Variants in KIF17 observed in about 807,000 individuals in gnomAD.
KIF17 encodes the protein kinesin family member 17, also known as kinesin-like protein KIF17.
KIF17 carries 80 observed loss-of-function variants against 96.8 expected under a neutral mutation model. That is an observed-to-expected ratio of 0.83 (90% CI 0.69 to 1.00). The LOEUF is 1.00. Ranked by LOEUF, KIF17 falls within the 50% of genes least tolerant of loss-of-function variation. KIF17 has a pLI of 0.00. For missense variants in KIF17, 1,280 were observed against 1,372.9 expected (o/e 0.93, Z 1.07); for synonymous variants, 567 against 587.5 (o/e 0.97, Z 0.51).
intron 4 of KIF17, among the ~76,000 whole-genome samples, chr1:20,706,448 G>A (rs769951940): frequency 1.3e-5 from 2 of 151,874 alleles, no homozygotes; most frequent in East Asian, 2.0e-4. Context: ...AAAATTAGCC[G>A]GGCGTGGTGG....
intron 11 of KIF17, among the ~76,000 whole-genome samples, chr1:20,673,192 C>T (rs951323714): frequency 2.6e-5 from 4 of 151,632 alleles, no homozygotes; most frequent in East Asian, 1.9e-4. Flanking sequence ...CCAGCCTGGG[C>T]GACAGAGTGA....
intron 11 of KIF17, among the ~76,000 whole-genome samples, chr1:20,673,173 C>A (rs1308102254): frequency 1.3e-5 from 2 of 151,944 alleles, no homozygotes; most frequent in African/African-American, 4.8e-5. Context: ...AAGATCACAC[C>A]AGTGCACTCC....
rs617735 is a variant in KIF17 at position 20,698,567 on chromosome 1, C to T, written c.1124-79G>A. ...AACTAAGCAGAAATCTATAAAAAGA[C>T]GACCTCATGGTCATTCAAGAAGACT... On this transcript the variant is annotated intron_variant, in intron 5 of 14. Transcript: ENST00000400463. The T allele has an allele frequency of 3.0e-3, 2,779 of 915,390 alleles. 53 individuals are homozygous for T. In the African/African-American group the frequency reaches 0.038, roughly 13 times the overall value. The allele number at this position is 915,390 out of a possible 1,614,324, so 56.7% of individuals were successfully genotyped here.
At chr1:20,686,847 C>T (rs1370981058) in intron 8 of KIF17, among the ~76,000 whole-genome samples, 7 of 152,184 alleles carry the variant, frequency 4.6e-5, no homozygotes, top group Non-Finnish European at 8.8e-5. Context: ...AGGCGTGAGC[C>T]AATGTGCCTG....
chr1:20,702,123 C>T (rs978077400), intron 5 of KIF17, among the ~76,000 whole-genome samples: 10 of 152,148 alleles, frequency 6.6e-5, no homozygotes, highest in Non-Finnish European at 1.3e-4. Context: ...AGGCAATTTT[C>T]CCAGTTGCCT....
At chr1:20,710,284 T>C (rs1376241792) in intron 3 of KIF17, among the ~76,000 whole-genome samples, 1 of 152,182 alleles carries the variant, frequency 6.6e-6, no homozygotes, top group Non-Finnish European at 1.5e-5. Flanking sequence ...TCGTCACCCA[T>C]GAGCCCTGAG....
In KIF17 at chr1:20,717,862, G is replaced by A. The variant is rs1472198713; in HGVS notation, c.-156C>T. On this transcript the variant is annotated 5_prime_UTR_variant, in exon 1 of 15. Transcript: ENST00000400463. ...GGCGGGGGGCGGGGACCCCTCGGGG[G>A]GCGCCCCGGAGGGGAGCTGGGCGTC... is the stretch of plus-strand genomic sequence containing the variant. The A allele has an allele frequency of 9.5e-6, 4 of 422,152 alleles. No individual in the cohort carries two copies. The African/African-American group carries it at 3.4e-4, about 36-fold the overall frequency. The allele number at this position is 422,152 out of a possible 1,614,324, so 26.2% of individuals were successfully genotyped here.
chr1:20,676,687 C>T (rs1050783563), intron 11 of KIF17, among the ~76,000 whole-genome samples: 2 of 151,960 alleles, frequency 1.3e-5, no homozygotes, highest in Admixed American at 1.3e-4. Context: ...AAAAATTAGC[C>T]AGGCGTGGTG....
chr1:20,710,241 T>A (rs942686502), intron 3 of KIF17, among the ~76,000 whole-genome samples: 2 of 152,198 alleles, frequency 1.3e-5, no homozygotes, highest in African/African-American at 2.4e-5. Context: ...TGGGTTTCCT[T>A]TAGGGAGCTT....
At chr1:20,714,718 A>G (rs549652825) in intron 2 of KIF17, among the ~76,000 whole-genome samples, 93 of 148,524 alleles carry the variant, frequency 6.3e-4, no homozygotes, top group African/African-American at 2.2e-3. Context: ...AATTGCTTGA[A>G]TCTGGGAGGC....
rs114221851 is a variant in KIF17 at position 20,704,474 on chromosome 1, G to A, written c.1096C>T (p.Gln366Ter). The A allele has an allele frequency of 1.0e-4, 163 of 1,614,174 alleles. 1 individual carries two copies. The East Asian group carries it at 3.6e-3, about 35-fold the overall frequency. ...GACAGGCTGCTGGGGCTCATCTGCTGTGTCAGGATGGCCTTGAGCTTCTTG... is the reference window on the plus strand; with the variant it reads ...GACAGGCTGCTGGGGCTCATCTGCTATGTCAGGATGGCCTTGAGCTTCTTG... ...EIKKLKAILT[Q>*]QMSPSSLSAL... Residue 366 changes from glutamine to a stop codon, truncating the protein, a stop_gained, in exon 5 of 15, where the codon CAG becomes TAG. Transcript: ENST00000400463. LOFTEE classifies it high-confidence loss of function. This position sits in a 1 kb window ranked among gnomAD's most constrained non-coding sequence, Gnocchi z 6.8.
intron 14 of KIF17, 138 bp downstream of exon 14, chr1:20,666,076 C>T (rs368704136): frequency 1.3e-6 from 1 of 764,706 alleles, no homozygotes; most frequent in African/African-American, 1.7e-5. Flanking sequence ...TGTTACCCCC[C>T]TCATTTTGTA....
rs370911190 is a variant in KIF17 at position 20,696,275 on chromosome 1, G to A, written c.1233+2104C>T. Among the ~76,000 whole-genome samples, 119 of 152,250 alleles carry A rather than the reference G, an allele frequency of 7.8e-4. 1 individual carries two copies. The highest frequency in any genetic ancestry group is 2.6e-3 in the African/African-American group (106 of 41,554). On this transcript the variant is annotated intron_variant, in intron 6 of 14. Coordinates refer to ENST00000400463, the MANE Select transcript of KIF17 (RefSeq NM_001122819.3). ...GGTTCTGGAATACAAAGGGAAACAC[G>A]GTCCCAGGAGCATAGCAGGTGCTCA...
chr1:20,674,993 A>AG (rs1344538604), intron 11 of KIF17, among the ~76,000 whole-genome samples: 1 of 152,062 alleles, frequency 6.6e-6, no homozygotes, highest in Non-Finnish European at 1.5e-5. Flanking sequence ...CTACTAAAAA[A>AG]TACTAAAATT....
rs1301466595 is a variant in KIF17 at position 20,682,875 on chromosome 1, C to T, written c.2241G>A (p.Leu747=). ...DQQQVLARLQ[L]LEQQVVGGEQ... ...CTCCACCCACAACCTGCTGCTCCAA[C>T]AGCTGCAGACTGCCGGCGTGGAGGA... Residue 747 remains leucine (L), a synonymous_variant, in exon 11 of 15, where the codon CTG becomes CTA. Coordinates refer to ENST00000400463, the MANE Select transcript of KIF17 (RefSeq NM_001122819.3). The T allele has an allele frequency of 6.2e-7, 1 of 1,610,126 alleles. No individual in the cohort carries two copies. The highest frequency in any genetic ancestry group is 1.7e-5 in the Admixed American group (1 of 60,026).
chr1:20,696,608 G>A (rs1209683339), intron 6 of KIF17, among the ~76,000 whole-genome samples: 1 of 152,068 alleles, frequency 6.6e-6, no homozygotes, highest in African/African-American at 2.4e-5. Flanking sequence ...ACCAGGGGGA[G>A]GCAGTGCCCT....
chr1:20,697,663 G>A (rs571747832), intron 6 of KIF17, among the ~76,000 whole-genome samples: 2 of 152,310 alleles, frequency 1.3e-5, no homozygotes, highest in East Asian at 1.9e-4. Flanking sequence ...CAAACTCCAC[G>A]GCATGCTCAG....
At chr1:20,676,149 G>A (rs1262986992) in intron 11 of KIF17, among the ~76,000 whole-genome samples, 2 of 152,040 alleles carry the variant, frequency 1.3e-5, no homozygotes, top group African/African-American at 2.4e-5. Flanking sequence ...GACAGATTAA[G>A]GATCAGAGAT....
At position 20,700,645 on chromosome 1, in the gene KIF17, A is replaced by G. The variant is rs1330686238; in HGVS notation, c.1124-2157T>C. 1.3e-5 allele frequency among the ~76,000 whole-genome samples: 2 copies of G among 152,180 alleles called. No individual in the cohort carries two copies. The highest frequency in any genetic ancestry group is 2.9e-5 in the Non-Finnish European group (2 of 68,022). ...GTATAGTATGTTTTACTTCTTTTCTACATTGCTTTATGTTCTATTATCTTG... is the reference window on the plus strand; with the variant it reads ...GTATAGTATGTTTTACTTCTTTTCTGCATTGCTTTATGTTCTATTATCTTG... On this transcript the variant is annotated intron_variant, in intron 5 of 14. Coordinates refer to ENST00000400463, the MANE Select transcript of KIF17 (RefSeq NM_001122819.3). The surrounding 1 kb of genome is among the most constrained non-coding windows in gnomAD (Gnocchi z 4.6).
Sources: allele counts gnomAD v4.1 joint callset (sites outside exome capture counted in the v4.1 genomes callset), GRCh38; gene constraint gnomAD v4.1.1; non-coding constraint Gnocchi (gnomAD v3.1); transcripts MANE v1.5; gene names NCBI Gene and HGNC (gene_info 2026-07-23, HGNC 2026-07-21).